Variants in PRCP observed in about 807,000 individuals in gnomAD.
PRCP encodes the protein lysosomal Pro-X carboxypeptidase.
In PRCP, 46 loss-of-function variants were observed where a neutral mutation model predicts 54.2. The observed-to-expected ratio is 0.85, with a 90% CI of 0.67 to 1.09. The LOEUF (loss-of-function observed/expected upper bound fraction) is 1.09. Among genes scored for constraint, PRCP ranks in the 50% least tolerant of loss-of-function variants. The pLI is 0.00. For missense variants in PRCP, 613 were observed against 596.8 expected, an observed-to-expected ratio of 1.03 and a Z score of -0.28; for synonymous variants, 240 against 212.2, an observed-to-expected ratio of 1.13 and a Z score of -1.14.
At position 82,825,012 on chromosome 11, in the gene PRCP, T is replaced by C; in HGVS notation, c.1385A>G (p.Lys462Arg). Residue 462 changes from lysine (K) to arginine (R), a missense_variant, in exon 9 of 9, where the codon AAG becomes AGG. By Grantham distance (26) the Lys-to-Arg change is conservative. Transcript: ENST00000313010. ...EGAHHLDLRT[K>R]NALDPMSVLL... Reference sequence around the variant, plus strand: ...CACAGACATAGGATCCAAGGCATTCTTGGTGCGGAGATCTAAGTGGTGGGC... The same window carrying C: ...CACAGACATAGGATCCAAGGCATTCCTGGTGCGGAGATCTAAGTGGTGGGC... The C allele has an allele frequency of 1.2e-6, 2 of 1,614,162 alleles. No homozygotes were observed. The highest frequency in any genetic ancestry group is 1.7e-6 in the Non-Finnish European group (2 of 1,180,002).
chr11:82,869,841 G>A (rs1018241241), intron 1 of PRCP, among the ~76,000 whole-genome samples: 13 of 152,200 alleles, frequency 8.5e-5, no homozygotes, highest in Non-Finnish European at 1.5e-4. Flanking sequence ...AGTTGGATGT[G>A]CCTTTTGCCC....
intron 1 of PRCP, among the ~76,000 whole-genome samples, chr11:82,863,214 C>A (rs950529081): frequency 2.0e-5 from 3 of 152,328 alleles, no homozygotes; most frequent in South Asian, 4.1e-4. Context: ...TTGAAAACCA[C>A]TGAGTTAGAA....
intron 1 of PRCP, among the ~76,000 whole-genome samples, chr11:82,882,086 G>C (rs1859759623): frequency 6.6e-6 from 1 of 152,016 alleles, no homozygotes; most frequent in South Asian, 2.1e-4. Flanking sequence ...TCATCACAAA[G>C]GTCTTTATCC....
chr11:82,857,478 T>C (rs549098552), intron 2 of PRCP, among the ~76,000 whole-genome samples: 20 of 152,348 alleles, frequency 1.3e-4, no homozygotes, highest in African/African-American at 4.6e-4. Context: ...TTAGATCTCC[T>C]TGCTAGAACC....
rs543230889 is a variant in PRCP at position 82,851,011 on chromosome 11, A to G, written c.412-506T>C. 2.0e-5 allele frequency among the ~76,000 whole-genome samples: 3 copies of G among 152,230 alleles called. No homozygotes were observed. The East Asian group carries it at 5.8e-4, about 29-fold the overall frequency. On this transcript the variant is annotated intron_variant, in intron 3 of 8. Transcript: ENST00000313010. ...CCTGCCTATTTTAAACAATTATAAA[A>G]TTGGAAAGAAAAAAAAACTATTTTC...
At chr11:82,874,611 AG>A (rs1397498489) in intron 1 of PRCP, among the ~76,000 whole-genome samples, 2 of 150,922 alleles carry the variant, frequency 1.3e-5, no homozygotes, top group African/African-American at 4.9e-5. Context: ...GGATCACCTG[AG>A]CCCAGGAGTT....
At chr11:82,825,170 T>C (rs910064811) in intron 8 of PRCP, 48 bp from the exon 9 acceptor site, 1 of 1,506,822 alleles carries the variant, frequency 6.6e-7, no homozygotes, top group African/African-American at 1.4e-5. Context: ...GTTTTTCATG[T>C]TAACACTCAG....
chr11:82,841,254 A>G lies in PRCP; in HGVS notation c.922-1829T>C, dbSNP rs537140655. ...CCTCATCACAGTTCTGCCTGGCACCAGCTGCCAGCGGGGGAAAAAAAAAAA... is the reference window on the plus strand; with the variant it reads ...CCTCATCACAGTTCTGCCTGGCACCGGCTGCCAGCGGGGGAAAAAAAAAAA... On this transcript the variant is annotated intron_variant, in intron 6 of 8. Coordinates refer to ENST00000313010, the MANE Select transcript of PRCP (RefSeq NM_005040.4). 4.0e-5 allele frequency among the ~76,000 whole-genome samples: 6 copies of G among 149,668 alleles called. No homozygotes were observed. The South Asian group carries it at 1.3e-3, about 32-fold the overall frequency.
intron 8 of PRCP, chr11:82,831,561 C>T (rs1025431909): frequency 5.9e-5 from 9 of 152,150 alleles, no homozygotes; most frequent in African/African-American, 2.2e-4. Flanking sequence ...TCAAGGTCTA[C>T]CTGACTTCAA....
chr11:82,884,799 C>G, intron 1 of PRCP: 1 of 1,609,330 alleles, frequency 6.2e-7, no homozygotes, highest in Non-Finnish European at 8.5e-7. Flanking sequence ...TTCTCAAATG[C>G]AGAATGAAAA....
chr11:82,863,455 AGACT>A (rs1471356643), intron 1 of PRCP, among the ~76,000 whole-genome samples: 11 of 152,320 alleles, frequency 7.2e-5, no homozygotes, highest in African/African-American at 2.6e-4. Flanking sequence ...AAGGGAGGAA[AGACT>A]GACTGTGTTG....
At chr11:82,835,464 G>C (rs1223585962) in intron 8 of PRCP, 3 of 211,708 alleles carry the variant, frequency 1.4e-5, no homozygotes, top group African/African-American at 7.1e-5. Flanking sequence ...GCCTGGGGCT[G>C]GGCTGTCCGA....
At chr11:82,836,747 C>T in intron 8 of PRCP, 1 of 224,814 alleles carries the variant, frequency 4.4e-6, no homozygotes, top group Non-Finnish European at 9.0e-6. Context: ...GGGGTTTCAC[C>T]ATGTTTCCCA....
chr11:82,864,910 AT>A (rs1226963705), intron 1 of PRCP, among the ~76,000 whole-genome samples: 19 of 152,266 alleles, frequency 1.2e-4, no homozygotes, highest in African/African-American at 4.6e-4. Flanking sequence ...TAAAGTTCGC[AT>A]CCAGAAAAAT....
chr11:82,859,974 T>A lies in PRCP; in HGVS notation c.309+3A>T. On this transcript the variant is annotated splice_donor_region_variant and intron_variant, in intron 2 of 8. Coordinates refer to ENST00000313010, the MANE Select transcript of PRCP (RefSeq NM_005040.4). Reference sequence around the variant, plus strand: ...CACTGGAATTTCATGAATCTGCACATACCGTGTTATTACAAAACCAGATAA... The same window carrying A: ...CACTGGAATTTCATGAATCTGCACAAACCGTGTTATTACAAAACCAGATAA... 1 of 1,576,226 alleles carries A rather than the reference T, an allele frequency of 6.3e-7. No homozygotes were observed. The highest frequency in any genetic ancestry group is 8.6e-7 in the Non-Finnish European group (1 of 1,164,756).
At chr11:82,868,219 A>T (rs1301183084) in intron 1 of PRCP, among the ~76,000 whole-genome samples, 4 of 152,320 alleles carry the variant, frequency 2.6e-5, no homozygotes, top group Admixed American at 2.6e-4. Flanking sequence ...ATTGATAAAC[A>T]TTTAAAATCT....
chr11:82,877,410 G>A (rs188109599), intron 1 of PRCP, among the ~76,000 whole-genome samples: 22 of 152,306 alleles, frequency 1.4e-4, no homozygotes, highest in African/African-American at 4.8e-4. Flanking sequence ...CCATGTCAGA[G>A]ACCACACGGC....
intron 1 of PRCP, among the ~76,000 whole-genome samples, chr11:82,894,112 A>G (rs1301228405): frequency 1.3e-5 from 2 of 152,188 alleles, no homozygotes; most frequent in African/African-American, 2.4e-5. Context: ...AATAAAAAGA[A>G]GTACCATCCA....
chr11:82,847,518 G>T (rs1447509795), intron 6 of PRCP, among the ~76,000 whole-genome samples: 1 of 152,232 alleles, frequency 6.6e-6, no homozygotes, highest in Non-Finnish European at 1.5e-5. Context: ...AATATGGACA[G>T]ATAAAGCATT....
Sources: allele counts gnomAD v4.1 joint callset (sites outside exome capture counted in the v4.1 genomes callset), GRCh38; gene constraint gnomAD v4.1.1; transcripts MANE v1.5; gene names NCBI Gene and HGNC (gene_info 2026-07-23, HGNC 2026-07-21).